Variants in KANK1 observed in about 807,000 individuals in gnomAD.
KANK1 encodes the protein KN motif and ankyrin repeat domains 1.
KANK1 carries 109 observed loss-of-function variants against 106.2 expected under a neutral mutation model. The observed-to-expected ratio is 1.03, with a 90% confidence interval of 0.88 to 1.20. The LOEUF (loss-of-function observed/expected upper bound fraction) is 1.20. KANK1 is among the 50% of genes most tolerant of loss of function. KANK1 has a pLI of 0.00. For missense variants in KANK1, 2,399 were observed against 1,710.7 expected (o/e 1.40, Z -7.10); for synonymous variants, 873 against 652.2 (o/e 1.34, Z -5.16).
At chr9:528,556 A>C (rs2059914475) in intron 1 of KANK1, among the ~76,000 whole-genome samples, 1 of 132,126 alleles carries the variant, frequency 7.6e-6, no homozygotes, top group African/African-American at 2.9e-5. Context: ...ATCTCGGCTC[A>C]CTGCAGTCTC....
At chr9:590,200 T>C (rs1423381984) in intron 1 of KANK1, among the ~76,000 whole-genome samples, 1 of 152,038 alleles carries the variant, frequency 6.6e-6, no homozygotes, top group Non-Finnish European at 1.5e-5. Context: ...TTTTAGGGGG[T>C]ACATGGTTTT....
chr9:714,579 A>G (rs759165435), intron 3 of KANK1, among the ~76,000 whole-genome samples: 1 of 151,844 alleles, frequency 6.6e-6, no homozygotes. Context: ...GCTGATCTTG[A>G]ACTCCTGACC....
chr9:639,770 A>G (rs1837971419), intron 1 of KANK1, among the ~76,000 whole-genome samples: 1 of 152,182 alleles, frequency 6.6e-6, no homozygotes, highest in African/African-American at 2.4e-5. Flanking sequence ...TATTGCTCAC[A>G]GTTCTGAAGT....
intron 1 of KANK1, among the ~76,000 whole-genome samples, chr9:608,025 A>T (rs1354052622): frequency 2.2e-4 from 17 of 78,128 alleles, no homozygotes; most frequent in Non-Finnish European, 3.2e-4. Context: ...TATTATTATT[A>T]TTATTATTAT....
At chr9:619,495 A>G (rs978199324) in intron 1 of KANK1, among the ~76,000 whole-genome samples, 9 of 152,190 alleles carry the variant, frequency 5.9e-5, no homozygotes, top group Non-Finnish European at 8.8e-5. Context: ...GTATTAACGC[A>G]AAGAAGAGCC....
rs1450489237 is a variant in KANK1 at position 680,312 on chromosome 9, G to C, written c.37+3303G>C. Among the ~76,000 whole-genome samples, 4 of 152,118 alleles carry C rather than the reference G, an allele frequency of 2.6e-5. No individual in the cohort carries two copies. In the East Asian group the frequency reaches 7.7e-4, roughly 29 times the overall value. On this transcript the variant is annotated intron_variant, in intron 2 of 11. Transcript: ENST00000382297. Reference sequence around the variant, plus strand: ...TACATCCGACGACTGATCATCTCAAGTTGACATCCCCATGTAACATTTAAA... The same window carrying C: ...TACATCCGACGACTGATCATCTCAACTTGACATCCCCATGTAACATTTAAA...
intron 2 of KANK1, chr9:706,690 G>C: frequency 1.4e-6 from 1 of 696,822 alleles, no homozygotes; most frequent in Non-Finnish European, 1.8e-6. Flanking sequence ...TGAAATTAAT[G>C]ATAAAGGATA....
chr9:524,393 A>G (rs1418851943), intron 1 of KANK1, among the ~76,000 whole-genome samples: 1 of 151,732 alleles, frequency 6.6e-6, no homozygotes, highest in Non-Finnish European at 1.5e-5. Context: ...ATTCAAGTCA[A>G]TCTTCAAAGG....
intron 1 of KANK1, among the ~76,000 whole-genome samples, chr9:654,381 A>G (rs897160861): frequency 6.6e-6 from 1 of 152,208 alleles, no homozygotes; most frequent in Non-Finnish European, 1.5e-5. Flanking sequence ...TTTTAACACC[A>G]TGTCAGACTC....
intron 1 of KANK1, among the ~76,000 whole-genome samples, chr9:563,582 A>T (rs1284123558): frequency 2.0e-5 from 3 of 152,108 alleles, no homozygotes; most frequent in African/African-American, 7.2e-5. Context: ...GATTTTGTAG[A>T]TATGTATGTG....
intron 1 of KANK1, among the ~76,000 whole-genome samples, chr9:617,975 C>T (rs1222051700): frequency 1.3e-5 from 2 of 152,190 alleles, no homozygotes; most frequent in Non-Finnish European, 2.9e-5. Context: ...CTGGATGCCA[C>T]ACTTACTGTG....
rs762395616 is a variant in KANK1, at chr9:713,390, C to G, written c.2624C>G (p.Ser875Cys). The change falls in exon 3 of 12, where the codon TCT becomes TGT. Residue 875 changes from serine (S) to cysteine (C), a missense_variant. By Grantham distance (112) the Ser-to-Cys change is moderately radical. Transcript: ENST00000382297. ...ATCAGCACCCTGTCGTCTATCAACT[C>G]TGTCATGAAATCTGCAAGCACTGAA... ...QLISTLSSIN[S>C]VMKSASTEEL... The G allele has an allele frequency of 1.9e-6, 3 of 1,613,868 alleles. No homozygotes were observed. Among genetic ancestry groups the G allele is most frequent in the East Asian group, 4.5e-5 (2 of 44,882 alleles).
At chr9:532,503 T>C (rs1649466729) in intron 1 of KANK1, among the ~76,000 whole-genome samples, 1 of 150,652 alleles carries the variant, frequency 6.6e-6, no homozygotes. Context: ...AAATAGAAAC[T>C]CTGCACCCAT....
intron 7 of KANK1, among the ~76,000 whole-genome samples, chr9:736,159 C>T (rs556684181): frequency 1.3e-5 from 2 of 152,112 alleles, no homozygotes; most frequent in Non-Finnish European, 2.9e-5. Context: ...CGGGTTTCAC[C>T]GTGTTAGTCA....
chr9:731,011 C>T, intron 4 of KANK1, 147 bp from the exon 5 acceptor site: 1 of 458,940 alleles, frequency 2.2e-6, no homozygotes, highest in Non-Finnish European at 3.9e-6. Flanking sequence ...CATGCACACA[C>T]TTTCCCATTG....
intron 3 of KANK1, among the ~76,000 whole-genome samples, chr9:481,373 A>G (rs1206422694): frequency 6.6e-6 from 1 of 152,190 alleles, no homozygotes; most frequent in African/African-American, 2.4e-5. Context: ...ATGGATCAAG[A>G]GGATATTTGC....
intron 1 of KANK1, among the ~76,000 whole-genome samples, chr9:641,808 G>A (rs913291501): frequency 6.6e-6 from 1 of 152,074 alleles, no homozygotes; most frequent in Non-Finnish European, 1.5e-5. Flanking sequence ...GGTTTTTTAA[G>A]GACTACTTTA....
intron 1 of KANK1, among the ~76,000 whole-genome samples, chr9:652,603 T>C (rs544914041): frequency 2.6e-5 from 4 of 152,238 alleles, no homozygotes; most frequent in South Asian, 2.1e-4. Flanking sequence ...GAGACAAAGA[T>C]GAAAGGGGAA....
chr9:721,662 A>C (rs913632194), intron 3 of KANK1, among the ~76,000 whole-genome samples: 1 of 152,176 alleles, frequency 6.6e-6, no homozygotes, highest in African/African-American at 2.4e-5. Flanking sequence ...TCAATAATTG[A>C]TTGGTTCTCA....
Sources: allele counts gnomAD v4.1 joint callset (sites outside exome capture counted in the v4.1 genomes callset), GRCh38; gene constraint gnomAD v4.1.1; transcripts MANE v1.5; gene names NCBI Gene and HGNC (gene_info 2026-07-23, HGNC 2026-07-21).